TMEM275: variants seen among roughly 807,000 people sequenced by gnomAD.
The protein encoded by TMEM275 is transmembrane protein 275.
rs560861087 is a variant in TMEM275, at chr1:46,533,522, C to T, written c.6G>A (p.Pro2=). Residue 2 remains proline, a synonymous_variant, in exon 2 of 2, where the codon CCG becomes CCA. Transcript: ENST00000634804. This position sits in a 1 kb window ranked among gnomAD's most constrained non-coding sequence, Gnocchi z 4.4. ...GTGGCCCCTCGCTCTTTTCTGCCGG[C>T]GGCATCGGCCTGCGCACGCCAGGCA... 1.0e-5 allele frequency: 4 copies of T among 388,520 alleles called. No individual in the cohort carries two copies. The South Asian group carries it at 5.2e-4, about 50-fold the overall frequency. 24.1% of individuals were successfully genotyped at this position (388,520 alleles called of 1,614,324 possible).
rs1569916490 is a variant in TMEM275 at position 46,533,314 on chromosome 1, G to C, written c.214C>G (p.Leu72Val). The C allele has an allele frequency of 5.4e-6, 2 of 368,898 alleles. No individual in the cohort carries two copies. Among genetic ancestry groups the C allele is most frequent in the Non-Finnish European group, 9.7e-6 (2 of 207,140 alleles). 22.9% of individuals were successfully genotyped at this position (368,898 alleles called of 1,614,324 possible). ...CAGGCCGCGAAGAAGCCGAGCGCCA[G>C]CACCAGCAGCGCCAGCCCCACGACG... The change falls in exon 2 of 2, where the codon CTG becomes GTG. Residue 72 changes from leucine (L) to valine (V), a missense_variant. Coordinates refer to ENST00000634804, the Ensembl canonical transcript of TMEM275. The surrounding 1 kb of genome is among the most constrained non-coding windows in gnomAD (Gnocchi z 4.4).
At position 46,533,043 on chromosome 1, in the gene TMEM275, C is replaced by G. The variant is rs1315498200; in HGVS notation, c.485G>C (p.Arg162Pro). The G allele has an allele frequency of 2.5e-6, 1 of 396,172 alleles. No individual in the cohort carries two copies. The highest frequency in any genetic ancestry group is 3.6e-5 in the East Asian group (1 of 27,942). The allele number at this position is 396,172 out of a possible 1,614,324, so 24.5% of individuals were successfully genotyped here. The stretch of plus-strand genomic sequence containing the variant: ...TGGGTTGAGCTGGACTCCTTCCGAG[C>G]GCAGCGCGCAGACGGCCGCGGGCGC... The change falls in exon 2 of 2, where the codon CGC becomes CCC. Residue 162 changes from arginine to proline, a missense_variant. Coordinates refer to ENST00000634804, the Ensembl canonical transcript of TMEM275. This position sits in a 1 kb window ranked among gnomAD's most constrained non-coding sequence, Gnocchi z 4.4.
At position 46,533,124 on chromosome 1, in the gene TMEM275, G is replaced by A; in HGVS notation, c.404C>T (p.Ala135Val). ...GGGGCTGGAGCAGCCGGAGGACGCG[G>A]CGGAGACGGCAGGGCTGAGCTGCAC... Residue 135 changes from alanine to valine, a missense_variant, in exon 2 of 2, where the codon GCC becomes GTC. Ala to Val is a moderately conservative substitution (Grantham distance 64). Transcript: ENST00000634804. This position sits in a 1 kb window ranked among gnomAD's most constrained non-coding sequence, Gnocchi z 4.4. 1 of 390,568 alleles carries A rather than the reference G, an allele frequency of 2.6e-6. No homozygotes were observed. Among genetic ancestry groups the A allele is most frequent in the Non-Finnish European group, 4.5e-6 (1 of 220,974 alleles). 24.2% of individuals were successfully genotyped at this position (390,568 alleles called of 1,614,324 possible). A position where few individuals can be genotyped will look rare whatever the true frequency, so the allele number is the denominator to read the frequency against.
chr1:46,533,559 C>G lies in TMEM275; in HGVS notation c.-32G>C, dbSNP rs761389097. The G allele has an allele frequency of 4.4e-5, 17 of 387,622 alleles. No individual in the cohort carries two copies. Among genetic ancestry groups the G allele is most frequent in the Admixed American group, 8.9e-5 (2 of 22,356 alleles). The allele number at this position is 387,622 out of a possible 1,614,324, so 24.0% of individuals were successfully genotyped here. ...GCGCACGCCAGGCACGCATCAAGCT[C>G]CCTCCTGCCGCCGGCCCGGAACAGC... On this transcript the variant is annotated 5_prime_UTR_variant, in exon 2 of 2. Coordinates refer to ENST00000634804, the Ensembl canonical transcript of TMEM275. This position sits in a 1 kb window ranked among gnomAD's most constrained non-coding sequence, Gnocchi z 4.4.
chr1:46,535,197 A>G (rs1004227076), intron 1 of TMEM275, among the ~76,000 whole-genome samples: 11 of 152,196 alleles, frequency 7.2e-5, no homozygotes, highest in Non-Finnish European at 1.5e-4. Context: ...CAGATCCTTC[A>G]CTTGCAACAC....
rs1666689172 is a variant in TMEM275, at chr1:46,533,112, C to G, written c.416G>C (p.Gly139Ala). The stretch of plus-strand genomic sequence containing the variant: ...GGGGCTGGGGCCGGGGCTGGAGCAG[C>G]CGGAGGACGCGGCGGAGACGGCAGG... Residue 139 changes from glycine to alanine, a missense_variant, in exon 2 of 2, where the codon GGC becomes GCC. Gly to Ala is a moderately conservative substitution (Grantham distance 60). Transcript: ENST00000634804. This position sits in a 1 kb window ranked among gnomAD's most constrained non-coding sequence, Gnocchi z 4.4. The G allele has an allele frequency of 1.0e-5, 4 of 391,692 alleles. No homozygotes were observed. In the South Asian group the frequency reaches 5.1e-4, roughly 50 times the overall value. The allele number at this position is 391,692 out of a possible 1,614,324, so 24.3% of individuals were successfully genotyped here.
At chr1:46,534,952 C>G (rs1666719291) in intron 1 of TMEM275, among the ~76,000 whole-genome samples, 159 bp downstream of exon 1, 1 of 152,124 alleles carries the variant, frequency 6.6e-6, no homozygotes, top group Admixed American at 6.5e-5. Context: ...ATACTTTAAG[C>G]TAAATAAAGC....
rs1230597550 is a variant in TMEM275 at position 46,533,197 on chromosome 1, C to T, written c.331G>A (p.Ala111Thr). 4 of 372,066 alleles carry T rather than the reference C, an allele frequency of 1.1e-5. No individual in the cohort carries two copies. Among genetic ancestry groups the T allele is most frequent in the East Asian group, 7.8e-5 (2 of 25,746 alleles). 23.0% of individuals were successfully genotyped at this position (372,066 alleles called of 1,614,324 possible). ...GGCTCGCTGCTCTCCATCTCCAGCG[C>T]CACGGGCCCGGCGCGGCCGCCACCC... Residue 111 changes from alanine (A) to threonine (T), a missense_variant, in exon 2 of 2, where the codon GCG (alanine) becomes ACG (threonine). By Grantham distance (58) the Ala-to-Thr change is moderately conservative. Coordinates refer to ENST00000634804, the Ensembl canonical transcript of TMEM275. The surrounding 1 kb of genome is among the most constrained non-coding windows in gnomAD (Gnocchi z 4.4).
chr1:46,535,414 G>T (rs532875348), intron 1 of TMEM275, among the ~76,000 whole-genome samples: 1 of 87,060 alleles, frequency 1.1e-5, no homozygotes, highest in Admixed American at 1.4e-4. Flanking sequence ...ACCCTTGAGG[G>T]CATCTACAGA....
At position 46,533,762 on chromosome 1, in the gene TMEM275, C is replaced by G. The variant is rs754196107; in HGVS notation, c.-123-112G>C. 28 of 358,708 alleles carry G rather than the reference C, an allele frequency of 7.8e-5. No individual in the cohort carries two copies. The highest frequency in any genetic ancestry group is 1.3e-4 in the Non-Finnish European group (26 of 200,932). The allele number at this position is 358,708 out of a possible 1,614,324, so 22.2% of individuals were successfully genotyped here. A position where few individuals can be genotyped will look rare whatever the true frequency, so the allele number is the denominator to read the frequency against. On this transcript the variant is annotated intron_variant, in intron 1 of 1. Coordinates refer to ENST00000634804, the Ensembl canonical transcript of TMEM275. This position sits in a 1 kb window ranked among gnomAD's most constrained non-coding sequence, Gnocchi z 4.4. ...GGTGGGCAGAGGTCATCTTGGCCAGCCCCCTGCCTCTGCCTCTGGGAAGCA... is the reference window on the plus strand; with the variant it reads ...GGTGGGCAGAGGTCATCTTGGCCAGGCCCCTGCCTCTGCCTCTGGGAAGCA...
chr1:46,532,770 T>C (rs1341470836), exon 2 of TMEM275: 2 of 365,010 alleles, frequency 5.5e-6, no homozygotes, highest in Non-Finnish European at 9.8e-6. Flanking sequence ...CTCCCTTCTT[T>C]GGGGTGTGAC....
At position 46,535,367 on chromosome 1, in the gene TMEM275, A is replaced by G. The variant is rs2148501177; in HGVS notation, c.-123-1717T>C. On this transcript the variant is annotated intron_variant, in intron 1 of 1. The change abolishes the stop of an existing upstream ORF in the 5' untranslated region. Coordinates refer to ENST00000634804, the Ensembl canonical transcript of TMEM275. ...TGCCGTACCAAGCTGGCAGGAAGTC[A>G]GAAATCCCCAAATCTTAGCAAAGAA... Among the ~76,000 whole-genome samples, 1 of 151,776 alleles carries G rather than the reference A, an allele frequency of 6.6e-6. No individual in the cohort carries two copies. Among genetic ancestry groups the G allele is most frequent in the Middle Eastern group, 3.4e-3 (1 of 294 alleles).
At chr1:46,534,358 G>A (rs1666711688) in intron 1 of TMEM275, among the ~76,000 whole-genome samples, 97 bp downstream of exon 2, 1 of 152,210 alleles carries the variant, frequency 6.6e-6, no homozygotes, top group Non-Finnish European at 1.5e-5. Context: ...CGGTCAGTGA[G>A]AGGGCACAGT....
chr1:46,535,476 C>T (rs1398392335), intron 1 of TMEM275, among the ~76,000 whole-genome samples: 1 of 152,230 alleles, frequency 6.6e-6, no homozygotes, highest in African/African-American at 2.4e-5. Flanking sequence ...GCTCTCTAAC[C>T]TGCTGCTGAT....
chr1:46,534,349 GGTCA>G lies in TMEM275; in HGVS notation c.-123-703_-123-700del, dbSNP rs575523391. Among the ~76,000 whole-genome samples, 380 of 152,268 alleles carry G rather than the reference GGTCA, an allele frequency of 2.5e-3. 2 individuals are homozygous for G. The highest frequency in any genetic ancestry group is 8.6e-3 in the African/African-American group (357 of 41,552). On this transcript the variant is annotated intron_variant, in intron 1 of 1. Transcript: ENST00000634804. ...GTGAGGAGCTCCTGATGGTTCAGAC[GGTCA>G]GTGAGAGGGCACAGTCCCCACATCG...
chr1:46,533,910 C>T lies in TMEM275; in HGVS notation c.-123-260G>A, dbSNP rs1030929378. On this transcript the variant is annotated intron_variant, in intron 1 of 1. Coordinates refer to ENST00000634804, the Ensembl canonical transcript of TMEM275. The surrounding 1 kb of genome is among the most constrained non-coding windows in gnomAD (Gnocchi z 4.4). ...TTTGTCCTCCAAACAGACGCTGCCC[C>T]TCCAACCCCTCTCCTCCAGGAAGCC... Among the ~76,000 whole-genome samples the T allele has an allele frequency of 1.3e-5, 2 of 152,226 alleles. No homozygotes were observed. Among genetic ancestry groups the T allele is most frequent in the Non-Finnish European group, 2.9e-5 (2 of 68,034 alleles).
At chr1:46,532,859 C>T (rs1666683871) in exon 2 of TMEM275, 1 of 384,724 alleles carries the variant, frequency 2.6e-6, no homozygotes. Flanking sequence ...GCACCAGACC[C>T]TTGTAAAAAA....
chr1:46,533,479 C>G lies in TMEM275; in HGVS notation c.49G>C (p.Glu17Gln). The change falls in exon 2 of 2, where the codon GAA becomes CAA. Residue 17 changes from glutamate (E) to glutamine (Q), a missense_variant. Glu to Gln is a conservative substitution (Grantham distance 29). Coordinates refer to ENST00000634804, the Ensembl canonical transcript of TMEM275. The surrounding 1 kb of genome is among the most constrained non-coding windows in gnomAD (Gnocchi z 4.4). ...CCGGGCACCCGGCCCCGGGCGCGTT[C>G]CGCGGGCGCCGGGACCGGTGGCCCC... The G allele has an allele frequency of 2.6e-6, 1 of 388,932 alleles. No homozygotes were observed. The allele number at this position is 388,932 out of a possible 1,614,324, so 24.1% of individuals were successfully genotyped here.
chr1:46,533,892 T>C lies in TMEM275; in HGVS notation c.-123-242A>G, dbSNP rs144932953. Among the ~76,000 whole-genome samples, 59 of 152,244 alleles carry C rather than the reference T, an allele frequency of 3.9e-4. No individual in the cohort carries two copies. Among genetic ancestry groups the C allele is most frequent in the African/African-American group, 1.4e-3 (58 of 41,536 alleles). On this transcript the variant is annotated intron_variant, in intron 1 of 1. Transcript: ENST00000634804. This position sits in a 1 kb window ranked among gnomAD's most constrained non-coding sequence, Gnocchi z 4.4. ...TCCCTCTCTCCTCACTTTTTTGTCCTCCAAACAGACGCTGCCCCTCCAACC... is the reference window on the plus strand; with the variant it reads ...TCCCTCTCTCCTCACTTTTTTGTCCCCCAAACAGACGCTGCCCCTCCAACC...
Sources: allele counts gnomAD v4.1 joint callset (sites outside exome capture counted in the v4.1 genomes callset), GRCh38; gene constraint gnomAD v4.1.1; non-coding constraint Gnocchi (gnomAD v3.1); transcripts MANE v1.5; gene names NCBI Gene and HGNC (gene_info 2026-07-23, HGNC 2026-07-21).